ZC3HAV1: variants seen among roughly 807,000 people sequenced by gnomAD.
ZC3HAV1 encodes zinc finger CCCH-type containing, antiviral 1.
A neutral mutation model predicts 86.6 loss-of-function variants in ZC3HAV1; 41 were observed. The observed-to-expected ratio is 0.47, with a 90% confidence interval of 0.37 to 0.61. The LOEUF is 0.61. Ranked by LOEUF, ZC3HAV1 falls within the 20% of genes least tolerant of loss-of-function variation. The probability of loss-of-function intolerance (pLI) is 0.00; values close to 1 mark genes in which losing one functional copy is unlikely to be tolerated. For missense variants in ZC3HAV1, 964 were observed against 1,141.1 expected (o/e 0.84, Z 2.24); for synonymous variants, 421 against 432.1 (o/e 0.97, Z 0.32).
intron 4 of ZC3HAV1, 108 bp downstream of exon 4, chr7:139,079,362 T>C (rs1321819686): frequency 1.3e-6 from 2 of 1,595,806 alleles, no homozygotes; most frequent in South Asian, 1.1e-5. Context: ...CCAAAACCAG[T>C]GGCACCAGTT....
At position 139,082,131 on chromosome 7, in the gene ZC3HAV1, G is replaced by T. The variant is rs189161917; in HGVS notation, c.697+1649C>A. On this transcript the variant is annotated intron_variant, in intron 3 of 12. Coordinates refer to ENST00000242351, the MANE Select transcript of ZC3HAV1 (RefSeq NM_020119.4). The stretch of plus-strand genomic sequence containing the variant: ...AATACAAAAATTAGCTGGGAGTGGT[G>T]GCAGGCACCTGTAATCCCAGCTACT... Among the ~76,000 whole-genome samples the T allele has an allele frequency of 4.7e-3, 713 of 152,142 alleles. 7 individuals carry two copies. Among genetic ancestry groups the T allele is most frequent in the African/African-American group, 0.016 (677 of 41,498 alleles).
At chr7:139,070,524 C>T (rs914195627) in intron 7 of ZC3HAV1, among the ~76,000 whole-genome samples, 5 of 151,402 alleles carry the variant, frequency 3.3e-5, no homozygotes, top group African/African-American at 9.7e-5. Flanking sequence ...ATTAGCTGGG[C>T]GCGGTGGCGG....
intron 7 of ZC3HAV1, among the ~76,000 whole-genome samples, chr7:139,065,550 C>A (rs1816574431): frequency 6.6e-6 from 1 of 152,164 alleles, no homozygotes; most frequent in Non-Finnish European, 1.5e-5. Context: ...ATTGGCCGAG[C>A]CTCCTGCTAG....
intron 1 of ZC3HAV1, among the ~76,000 whole-genome samples, chr7:139,096,202 C>T (rs777964374): frequency 2.6e-5 from 4 of 152,098 alleles, no homozygotes; most frequent in Admixed American, 6.6e-5. Context: ...TTAGTAGAGA[C>T]GGGGTTTCTC....
intron 8 of ZC3HAV1, among the ~76,000 whole-genome samples, chr7:139,061,707 A>G (rs1023102030): frequency 2.0e-5 from 3 of 152,216 alleles, no homozygotes. Flanking sequence ...TAGCAATCCC[A>G]TTTCTGGGTA....
At chr7:139,099,578 T>C (rs1817693238) in intron 1 of ZC3HAV1, among the ~76,000 whole-genome samples, 1 of 152,164 alleles carries the variant, frequency 6.6e-6, no homozygotes, top group African/African-American at 2.4e-5. Flanking sequence ...GGGGTTTCTC[T>C]TTGGGGTGAT....
At chr7:139,089,867 A>T in intron 1 of ZC3HAV1, 108 bp from the exon 2 acceptor site, 1 of 1,205,674 alleles carries the variant, frequency 8.3e-7, no homozygotes, top group Non-Finnish European at 1.1e-6. Context: ...ATATTCTCTG[A>T]CAACAGACAC....
intron 1 of ZC3HAV1, among the ~76,000 whole-genome samples, chr7:139,091,347 G>A (rs6467823): frequency 0.31 from 47,369 of 151,926 alleles, 8,605 homozygotes; most frequent in East Asian, 0.5. Context: ...AAATAGCTGT[G>A]GTCCCAGTTA....
chr7:139,105,032 CAAAAAAAAAAA>C (rs34053904), intron 1 of ZC3HAV1, among the ~76,000 whole-genome samples: 1 of 72,812 alleles, frequency 1.4e-5, no homozygotes, highest in Non-Finnish European at 2.8e-5. Flanking sequence ...GACTCTGTCT[CAAAAAAAAAAA>C]AAAAAAAAAA....
Position 139,057,762 on chromosome 7 carries a change from G to A in ZC3HAV1, c.2097-2467C>T, listed in dbSNP as rs190206251. 1.9e-3 allele frequency among the ~76,000 whole-genome samples: 46 copies of A among 23,850 alleles called. 16 individuals are homozygous for A. Among genetic ancestry groups the A allele is most frequent in the African/African-American group, 0.011 (42 of 3,988 alleles). The allele number at this position is 23,850 out of a possible 152,430, so 15.6% of individuals were successfully genotyped here. ...TCACCGTGTTAGCCAGGATGGTCTCGATCTCCTGACCTCGTGATCCGCCCA... is the reference window on the plus strand; with the variant it reads ...TCACCGTGTTAGCCAGGATGGTCTCAATCTCCTGACCTCGTGATCCGCCCA... On this transcript the variant is annotated intron_variant, in intron 9 of 12. Transcript: ENST00000242351.
In ZC3HAV1 at chr7:139,073,964, G is replaced by T; in HGVS notation, c.1764C>A (p.Arg588=). Residue 588 remains arginine (R), a synonymous_variant, in exon 7 of 13, where the codon CGC becomes CGA. Coordinates refer to ENST00000242351, the MANE Select transcript of ZC3HAV1 (RefSeq NM_020119.4). ...TGGTGACAGAAGAAGGAGTGGAGAG[G>T]CGTCGGATGGGAAAGGAATCACAAC... ...VMSCDSFPIR[R]LSTPSSVTKP... The T allele has an allele frequency of 6.2e-7, 1 of 1,614,042 alleles. No homozygotes were observed. The highest frequency in any genetic ancestry group is 1.3e-5 in the African/African-American group (1 of 75,048).
intron 7 of ZC3HAV1, among the ~76,000 whole-genome samples, chr7:139,072,565 A>C (rs1353855398): frequency 6.6e-6 from 1 of 152,004 alleles, no homozygotes; most frequent in Non-Finnish European, 1.5e-5. Context: ...TTACCTGCTT[A>C]AGGTCTGTTT....
intron 1 of ZC3HAV1, among the ~76,000 whole-genome samples, chr7:139,096,598 A>G (rs1183106684): frequency 1.3e-5 from 2 of 152,136 alleles, no homozygotes; most frequent in Non-Finnish European, 2.9e-5. Context: ...AAAGTTTCCT[A>G]TGTCTTTTGG....
At chr7:139,095,628 G>A (rs181170679) in intron 1 of ZC3HAV1, among the ~76,000 whole-genome samples, 1 of 152,316 alleles carries the variant, frequency 6.6e-6, no homozygotes, top group Admixed American at 6.5e-5. Context: ...CTGAGGATAG[G>A]GGAGGCCGGA....
intron 1 of ZC3HAV1, among the ~76,000 whole-genome samples, chr7:139,097,530 G>A (rs985032349): frequency 1.4e-5 from 2 of 148,070 alleles, no homozygotes; most frequent in African/African-American, 5.0e-5. Context: ...CACCTCCTGG[G>A]TTCACGCCAT....
intron 10 of ZC3HAV1, 70 bp downstream of exon 10, chr7:139,055,135 A>G: frequency 7.2e-7 from 1 of 1,381,246 alleles, no homozygotes; most frequent in Non-Finnish European, 1.0e-6. Flanking sequence ...AGACAAACAC[A>G]TACACTTGTA....
intron 1 of ZC3HAV1, among the ~76,000 whole-genome samples, chr7:139,099,925 A>G (rs1169805284): frequency 2.0e-5 from 3 of 151,734 alleles, no homozygotes; most frequent in Non-Finnish European, 4.4e-5. Flanking sequence ...AAAAATAAAT[A>G]AATAAATAAA....
chr7:139,063,574 A>T (rs1302992147), intron 8 of ZC3HAV1, among the ~76,000 whole-genome samples: 3 of 151,782 alleles, frequency 2.0e-5, no homozygotes, highest in African/African-American at 7.3e-5. Flanking sequence ...AAATTTTTAA[A>T]TTAGCTGGGC....
intron 6 of ZC3HAV1, among the ~76,000 whole-genome samples, chr7:139,074,546 G>A (rs141868709): frequency 0.017 from 2,508 of 151,896 alleles, 65 homozygotes; most frequent in African/African-American, 0.057. Flanking sequence ...ATAAAGAAGC[G>A]GATATGAGAA....
Sources: gnomAD v4.1 joint callset for allele counts (sites outside exome capture counted in the v4.1 genomes callset) on GRCh38, gnomAD v4.1.1 for gene constraint, MANE v1.5 for transcripts, NCBI Gene and HGNC (gene_info 2026-07-23, HGNC 2026-07-21) for gene names.